Variants in ARHGAP39 observed in about 807,000 individuals in gnomAD.
ARHGAP39 encodes the protein Rho GTPase activating protein 39.
ARHGAP39 carries 44 observed loss-of-function variants against 106.9 expected under a neutral mutation model. That is an observed-to-expected ratio of 0.41 (90% CI 0.32 to 0.53). The LOEUF is 0.53. ARHGAP39 is among the 20% of genes least tolerant of loss of function. ARHGAP39 has a pLI of 0.21. For synonymous variants in ARHGAP39, 768 were observed against 693.2 expected (o/e 1.11, Z -1.69); for missense variants, 1,496 against 1,577.3 (o/e 0.95, Z 0.87).
chr8:144,549,473 T>C (rs1360233463), intron 4 of ARHGAP39, among the ~76,000 whole-genome samples: 10 of 152,232 alleles, frequency 6.6e-5, no homozygotes, highest in Non-Finnish European at 1.5e-4. Flanking sequence ...AATTGCAGTC[T>C]TTCTTACTGT....
intron 3 of ARHGAP39, among the ~76,000 whole-genome samples, chr8:144,566,054 A>G (rs1818384033): frequency 1.3e-5 from 2 of 151,988 alleles, no homozygotes; most frequent in East Asian, 1.9e-4. Context: ...TGATTGCGCC[A>G]TTGCACTTCA....
intron 1 of ARHGAP39, among the ~76,000 whole-genome samples, chr8:144,615,054 CT>C (rs1820598976): frequency 6.6e-6 from 1 of 152,272 alleles, no homozygotes; most frequent in East Asian, 1.9e-4. Context: ...GGGGCAGAGG[CT>C]CACGCCTATA....
intron 1 of ARHGAP39, among the ~76,000 whole-genome samples, chr8:144,608,830 A>G (rs1412048354): frequency 6.6e-6 from 1 of 152,234 alleles, no homozygotes. Flanking sequence ...AGCATTTCAT[A>G]TTTATAATAC....
At chr8:144,693,697 G>C in the ARHGAP39 span, among the ~76,000 whole-genome samples, 7 of 152,212 alleles carry the variant, frequency 4.6e-5, no homozygotes, top group African/African-American at 1.7e-4. Context: ...TTCTTTGAGA[G>C]ATTTGTTTCC....
At chr8:144,618,449 A>AGAG (rs1210656963) in intron 1 of ARHGAP39, among the ~76,000 whole-genome samples, 2 of 152,234 alleles carry the variant, frequency 1.3e-5, no homozygotes, top group Non-Finnish European at 2.9e-5. Flanking sequence ...AGGTGACGGG[A>AGAG]GAGGAAGCTT....
At chr8:144,642,778 T>C (rs1270306221) in intron 1 of ARHGAP39, among the ~76,000 whole-genome samples, 1 of 152,188 alleles carries the variant, frequency 6.6e-6, no homozygotes, top group Non-Finnish European at 1.5e-5. Flanking sequence ...CCCAACTGTG[T>C]TGAACTGTGA....
At chr8:144,662,744 C>G (rs1396133408) in intron 1 of ARHGAP39, among the ~76,000 whole-genome samples, 1 of 146,072 alleles carries the variant, frequency 6.8e-6, no homozygotes, top group Non-Finnish European at 1.5e-5. Flanking sequence ...TCCACCTTGG[C>G]CAGCTCCCTC....
At chr8:144,608,958 GATTT>G (rs575307001) in intron 1 of ARHGAP39, among the ~76,000 whole-genome samples, 89 of 152,206 alleles carry the variant, frequency 5.8e-4, no homozygotes, top group African/African-American at 2.0e-3. Flanking sequence ...GTTTTTCACA[GATTT>G]ATTATGTTTT....
chr8:144,561,755 ATCCAGTGGTTTCCATCGGACTTAC>A lies in ARHGAP39; in HGVS notation c.513-6136_513-6113del, dbSNP rs1818175929. Among the ~76,000 whole-genome samples the A allele has an allele frequency of 2.7e-4, 28 of 103,618 alleles. 1 individual carries two copies. The South Asian group carries it at 8.2e-3, about 31-fold the overall frequency. 68.0% of individuals were successfully genotyped at this position (103,618 alleles called of 152,430 possible). On this transcript the variant is annotated intron_variant, in intron 3 of 11. Transcript: ENST00000377307. ...AATCCAGTGGTTTCCATCGGACTTA[ATCCAGTGGTTTCCATCGGACTTAC>A]TCCAGTGGTTTCCATCGGACCCCAG... is the stretch of plus-strand genomic sequence containing the variant.
rs950740992 is a variant in ARHGAP39 at position 144,530,070 on chromosome 8, C to T, written c.*352G>A. 1 of 277,814 alleles carries T rather than the reference C, an allele frequency of 3.6e-6. No homozygotes were observed. The highest frequency in any genetic ancestry group is 6.8e-6 in the Non-Finnish European group (1 of 146,944). The allele number at this position is 277,814 out of a possible 1,614,324, so 17.2% of individuals were successfully genotyped here. ...GCTGGGCAAGGCCCAGGCCAGGGCG[C>T]GCAGGAGCCACAGGGAGGCAGCCCG... is the stretch of plus-strand genomic sequence containing the variant. On this transcript the variant is annotated 3_prime_UTR_variant, in exon 12 of 12. Coordinates refer to ENST00000377307, the MANE Select transcript of ARHGAP39 (RefSeq NM_025251.3).
chr8:144,600,972 G>C (rs1819884006), intron 2 of ARHGAP39, among the ~76,000 whole-genome samples: 1 of 148,134 alleles, frequency 6.8e-6, no homozygotes, highest in Non-Finnish European at 1.5e-5. Flanking sequence ...GTGTGCATGT[G>C]CGTGGAGGTG....
intron 1 of ARHGAP39, among the ~76,000 whole-genome samples, chr8:144,639,984 T>A (rs1396451813): frequency 6.6e-6 from 1 of 152,208 alleles, no homozygotes; most frequent in Non-Finnish European, 1.5e-5. Context: ...AGACAGCATT[T>A]TCATGCAAGA....
At position 144,641,945 on chromosome 8, in the gene ARHGAP39, A is replaced by G. The variant is rs1370202183; in HGVS notation, c.-81-36250T>C. Among the ~76,000 whole-genome samples, 2 of 152,242 alleles carry G rather than the reference A, an allele frequency of 1.3e-5. No homozygotes were observed. Among genetic ancestry groups the G allele is most frequent in the Non-Finnish European group, 2.9e-5 (2 of 68,040 alleles). On this transcript the variant is annotated intron_variant, in intron 1 of 11. Transcript: ENST00000377307. The surrounding 1 kb of genome is among the most constrained non-coding windows in gnomAD (Gnocchi z 5.2). ...TACCCACCTGCAAATCCAAACCTGG[A>G]GAGACAAAACTCTCAGAACCACACC...
rs1014238667 is a variant in ARHGAP39, at chr8:144,604,038, C to T, written c.80+1497G>A. ...AACAAACGAATGAAGAACGAACAAACGAATGAACAAGGAGACAGCAGGACT... is the reference window on the plus strand; with the variant it reads ...AACAAACGAATGAAGAACGAACAAATGAATGAACAAGGAGACAGCAGGACT... On this transcript the variant is annotated intron_variant, in intron 2 of 11. Coordinates refer to ENST00000377307, the MANE Select transcript of ARHGAP39 (RefSeq NM_025251.3). The surrounding 1 kb of genome is among the most constrained non-coding windows in gnomAD (Gnocchi z 4.1). Among the ~76,000 whole-genome samples the T allele has an allele frequency of 5.9e-5, 9 of 152,342 alleles. No homozygotes were observed. The highest frequency in any genetic ancestry group is 2.1e-4 in the South Asian group (1 of 4,826).
chr8:144,689,715 C>T (rs1404232854), upstream of ARHGAP39, among the ~76,000 whole-genome samples: 1 of 150,554 alleles, frequency 6.6e-6, no homozygotes, highest in East Asian at 2.0e-4. Context: ...GCTGGGATTA[C>T]AGTTGTGAGC....
intron 1 of ARHGAP39, among the ~76,000 whole-genome samples, chr8:144,636,518 G>A (rs1586630006): frequency 6.6e-6 from 1 of 152,336 alleles, no homozygotes; most frequent in African/African-American, 2.4e-5. Flanking sequence ...TCCTCCCTGC[G>A]ATGCAGGCGA....
At chr8:144,609,593 G>A (rs765224259) in intron 1 of ARHGAP39, among the ~76,000 whole-genome samples, 3 of 151,918 alleles carry the variant, frequency 2.0e-5, no homozygotes, top group African/African-American at 4.8e-5. Context: ...TGGTAGAGAC[G>A]GGGTTTCATT....
the ARHGAP39 span, among the ~76,000 whole-genome samples, chr8:144,694,934 A>G: frequency 6.6e-6 from 1 of 151,754 alleles, no homozygotes; most frequent in South Asian, 2.1e-4. Flanking sequence ...TGCTTTTTAC[A>G]TTTTTGCCAA....
chr8:144,593,148 C>T (rs546385990), intron 2 of ARHGAP39, among the ~76,000 whole-genome samples: 21 of 152,200 alleles, frequency 1.4e-4, no homozygotes, highest in Non-Finnish European at 2.8e-4. Flanking sequence ...GAACAACCTT[C>T]CTGCAGCCCC....
Sources: allele counts gnomAD v4.1 joint callset (sites outside exome capture counted in the v4.1 genomes callset), GRCh38; gene constraint gnomAD v4.1.1; non-coding constraint Gnocchi (gnomAD v3.1); transcripts MANE v1.5; gene names NCBI Gene and HGNC (gene_info 2026-07-23, HGNC 2026-07-21).